The following STAT4 variants were observed in gnomAD, a reference collection of about 807,000 sequenced individuals.
STAT4 encodes signal transducer and activator of transcription 4.
Under a neutral mutation model 110.5 loss-of-function variants are expected in STAT4, and 42 were observed. The ratio of observed to expected loss-of-function variants is 0.38; its 90% confidence interval spans 0.30 to 0.49. The LOEUF is 0.49. STAT4 is among the 20% of genes least tolerant of loss of function. STAT4 has a pLI of 0.95. For synonymous variants in STAT4, 284 were observed against 302.2 expected (o/e 0.94, Z 0.63); for missense variants, 632 against 887.9 (o/e 0.71, Z 3.66).
intron 3 of STAT4, among the ~76,000 whole-genome samples, chr2:191,111,285 T>G (rs1435249279): frequency 6.6e-6 from 1 of 152,216 alleles, no homozygotes; most frequent in Non-Finnish European, 1.5e-5. Context: ...AATTTAGAGA[T>G]ATAGTTAACA....
Position 191,042,801 on chromosome 2 carries a change from TGCAG to T in STAT4, c.1252-1657_1252-1654del, listed in dbSNP as rs1696244750. 6.6e-6 allele frequency among the ~76,000 whole-genome samples: 1 copy of T among 151,348 alleles called. No homozygotes were observed. ...TCTTTTTTTTTTTTCTTTTTTGAGA[TGCAG>T]TTTTGCTCTTGTTGCCCAGGCTGGA... On this transcript the variant is annotated intron_variant, in intron 14 of 23. Transcript: ENST00000392320. This position sits in a 1 kb window ranked among gnomAD's most constrained non-coding sequence, Gnocchi z 4.2.
chr2:191,108,290 CAA>C (rs67882536), intron 3 of STAT4, among the ~76,000 whole-genome samples: 39 of 116,736 alleles, frequency 3.3e-4, no homozygotes, highest in Middle Eastern at 4.9e-3. Flanking sequence ...AACTCTATCT[CAA>C]AAAAAAAAAA....
rs1358320288 is a variant in STAT4 at position 191,053,347 on chromosome 2, A to G, written c.1251+1143T>C. On this transcript the variant is annotated intron_variant, in intron 14 of 23. Coordinates refer to ENST00000392320, the MANE Select transcript of STAT4 (RefSeq NM_003151.4). This position sits in a 1 kb window ranked among gnomAD's most constrained non-coding sequence, Gnocchi z 4.5. ...CTATCCTGCTCTCTTAGAGGAAAAAAATGCAGTATTTCCTCATCAGTTCAT... is the reference window on the plus strand; with the variant it reads ...CTATCCTGCTCTCTTAGAGGAAAAAGATGCAGTATTTCCTCATCAGTTCAT... 6.6e-6 allele frequency among the ~76,000 whole-genome samples: 1 copy of G among 152,154 alleles called. No individual in the cohort carries two copies. The highest frequency in any genetic ancestry group is 1.5e-5 in the Non-Finnish European group (1 of 68,022).
intron 16 of STAT4, among the ~76,000 whole-genome samples, 200 bp downstream of exon 16, chr2:191,038,999 A>T (rs1049597045): frequency 6.6e-6 from 1 of 152,202 alleles, no homozygotes; most frequent in Non-Finnish European, 1.5e-5. Flanking sequence ...TTGCTAGCAG[A>T]ATTCTCTCAG....
rs73048740 is a variant in STAT4 at position 191,090,778 on chromosome 2, G to A, written c.274-14453C>T. On this transcript the variant is annotated intron_variant, in intron 3 of 23. Transcript: ENST00000392320. This position sits in a 1 kb window ranked among gnomAD's most constrained non-coding sequence, Gnocchi z 4.2. ...GGTTTCACCGTGTTAGCCTGACACC[G>A]TGTTAGCCTGTTCACCAAGACAGGG... 0.016 allele frequency among the ~76,000 whole-genome samples: 2,456 copies of A among 152,024 alleles called. 66 individuals carry two copies. Among genetic ancestry groups the A allele is most frequent in the African/African-American group, 0.056 (2,319 of 41,446 alleles).
chr2:191,066,524 G>GT lies in STAT4; in HGVS notation c.545-10dup. 1 of 1,611,584 alleles carries GT rather than the reference G, an allele frequency of 6.2e-7. No individual in the cohort carries two copies. Among genetic ancestry groups the GT allele is most frequent in the Non-Finnish European group, 8.5e-7 (1 of 1,178,392 alleles). ...ATTCTTGTCACTCTGATCTGCAAAG[G>GT]TAAAGAGATCAGATTTAGAGTTCTC... is the stretch of plus-strand genomic sequence containing the variant. On this transcript the variant is annotated splice_polypyrimidine_tract_variant and intron_variant, in intron 6 of 23. Transcript: ENST00000392320. This position sits in a 1 kb window ranked among gnomAD's most constrained non-coding sequence, Gnocchi z 4.3.
chr2:191,096,940 A>G (rs1011803956), intron 3 of STAT4, among the ~76,000 whole-genome samples: 1 of 152,220 alleles, frequency 6.6e-6, no homozygotes, highest in Admixed American at 6.5e-5. Flanking sequence ...TACAAAATCA[A>G]TGTGCAAAAA....
chr2:191,123,727 T>C (rs1030934074), intron 3 of STAT4, among the ~76,000 whole-genome samples: 1 of 152,232 alleles, frequency 6.6e-6, no homozygotes, highest in African/African-American at 2.4e-5. Context: ...TTGAATATAG[T>C]ACACTGTAGA....
At chr2:191,056,450 A>C (rs2125214008) in intron 13 of STAT4, among the ~76,000 whole-genome samples, 1 of 152,332 alleles carries the variant, frequency 6.6e-6, no homozygotes, top group Non-Finnish European at 1.5e-5. Flanking sequence ...ACCAAGGAAC[A>C]TCCTATTTCC....
intron 3 of STAT4, among the ~76,000 whole-genome samples, chr2:191,094,917 C>CAAAAAAAAAAAAAAAA (rs1165913847): frequency 2.6e-5 from 2 of 77,916 alleles, no homozygotes; most frequent in African/African-American, 5.9e-5. Context: ...AAATGGAAAG[C>CAAAAAAAAAAAAAAAA]AAAAAAAAAA....
chr2:191,036,780 A>G (rs1696056832), intron 16 of STAT4, among the ~76,000 whole-genome samples: 1 of 152,184 alleles, frequency 6.6e-6, no homozygotes, highest in African/African-American at 2.4e-5. Flanking sequence ...TCTTCTGAGG[A>G]GGCAAGAATT....
chr2:191,064,835 G>A lies in STAT4; in HGVS notation c.754C>T (p.His252Tyr), dbSNP rs1376556409. Reference sequence around the variant, plus strand: ...TTCTGAAGCTGGTCGAGCCCATTGTGGAGTGGACCCCCGATGCAGGCGATT... The same window carrying A: ...TTCTGAAGCTGGTCGAGCCCATTGTAGAGTGGACCCCCGATGCAGGCGATT... ...QQIACIGGPL[H>Y]NGLDQLQNCF... Residue 252 changes from histidine to tyrosine, a missense_variant, in exon 8 of 24, where the codon CAC becomes TAC. Physicochemically the swap from His to Tyr is moderately conservative, Grantham distance 83 (BLOSUM62 2). Coordinates refer to ENST00000392320, the MANE Select transcript of STAT4 (RefSeq NM_003151.4). 2.5e-6 allele frequency: 4 copies of A among 1,613,198 alleles called. No homozygotes were observed. Among genetic ancestry groups the A allele is most frequent in the African/African-American group, 2.7e-5 (2 of 74,848 alleles).
chr2:191,130,120 G>T (rs1559080569), intron 3 of STAT4, among the ~76,000 whole-genome samples: 1 of 151,854 alleles, frequency 6.6e-6, no homozygotes, highest in African/African-American at 2.4e-5. Context: ...AATAGAATTA[G>T]CTGCGAATAG....
chr2:191,069,123 G>A (rs116793694), intron 6 of STAT4, among the ~76,000 whole-genome samples: 1,785 of 152,102 alleles, frequency 0.012, 23 homozygotes, highest in Non-Finnish European at 0.019. Context: ...ATACATAGAT[G>A]TGTATGTGTG....
In STAT4 at chr2:191,117,377, A is replaced by G. The variant is rs534851469; in HGVS notation, c.273+29236T>C. ...TGCATCTAATTTAGTGCCAACACAA[A>G]TGTAATTTATTGCATGATTATCTTC... On this transcript the variant is annotated intron_variant, in intron 3 of 23. Coordinates refer to ENST00000392320, the MANE Select transcript of STAT4 (RefSeq NM_003151.4). The surrounding 1 kb of genome is among the most constrained non-coding windows in gnomAD (Gnocchi z 5.2). Among the ~76,000 whole-genome samples, 1 of 152,322 alleles carries G rather than the reference A, an allele frequency of 6.6e-6. No homozygotes were observed. Among genetic ancestry groups the G allele is most frequent in the Non-Finnish European group, 1.5e-5 (1 of 68,022 alleles).
At chr2:191,093,297 G>T (rs555959000) in intron 3 of STAT4, among the ~76,000 whole-genome samples, 11 of 152,156 alleles carry the variant, frequency 7.2e-5, no homozygotes, top group African/African-American at 2.7e-4. Context: ...TCCCAGTAGG[G>T]GCTGACTGAC....
chr2:191,062,814 T>C lies in STAT4; in HGVS notation c.889A>G (p.Arg297Gly), dbSNP rs754199351. The change falls in exon 9 of 24, where the codon AGA (arginine) becomes GGA (glycine). Residue 297 changes from arginine (R) to glycine (G), a missense_variant. Arg to Gly is a moderately radical substitution (Grantham distance 125). This residue lies in a region of STAT4 where 488 missense variants were observed against 632.8 expected (regional missense o/e 0.77). Transcript: ENST00000392320. This position sits in a 1 kb window ranked among gnomAD's most constrained non-coding sequence, Gnocchi z 4.9. ...TYEGDPIPMQ[R>G]THMLERVTFL... is the part of the protein sequence containing the mutation. ...GTGACTCTTTCTAGCATGTGAGTTC[T>C]TTGCATTGGAATGGGATCACCTTCA... 6.2e-7 allele frequency: 1 copy of C among 1,614,004 alleles called. No homozygotes were observed. The highest frequency in any genetic ancestry group is 8.5e-7 in the Non-Finnish European group (1 of 1,179,906).
chr2:191,063,887 G>A (rs1011971937), intron 8 of STAT4, among the ~76,000 whole-genome samples: 3 of 152,062 alleles, frequency 2.0e-5, no homozygotes, highest in Non-Finnish European at 4.4e-5. Context: ...TTAGTGAGGG[G>A]GTCCCCAGTT....
At chr2:191,052,130 T>G (rs755622671) in intron 14 of STAT4, among the ~76,000 whole-genome samples, 3 of 152,216 alleles carry the variant, frequency 2.0e-5, no homozygotes, top group Non-Finnish European at 4.4e-5. Context: ...CCTGGCCTCA[T>G]GACTTTATGA....
Sources: allele counts gnomAD v4.1 joint callset (sites outside exome capture counted in the v4.1 genomes callset), GRCh38; gene constraint gnomAD v4.1.1; regional missense constraint gnomAD v4.1.1; non-coding constraint Gnocchi (gnomAD v3.1); transcripts MANE v1.5; gene names NCBI Gene and HGNC (gene_info 2026-07-23, HGNC 2026-07-21).